Variants in HPSE observed in about 807,000 individuals in gnomAD.
HPSE encodes the protein endo-glucoronidase.
HPSE carries 48 observed loss-of-function variants against 65.1 expected under a neutral mutation model. The ratio of observed to expected loss-of-function variants is 0.74; its 90% CI spans 0.58 to 0.94. The LOEUF is 0.94. Ranked by LOEUF, HPSE falls within the 40% of genes least tolerant of loss-of-function variation. The pLI, the probability that HPSE is intolerant of heterozygous loss-of-function variation, is 0.00. For missense variants in HPSE, 644 were observed against 637.5 expected (o/e 1.01, Z -0.11); for synonymous variants, 243 against 260.0 (o/e 0.93, Z 0.63).
In HPSE at chr4:83,309,384, G is replaced by C; in HGVS notation, c.984+18C>G. The stretch of plus-strand genomic sequence containing the variant: ...AAGGATTCTGGTTTTACATTAAAAA[G>C]TTTAAAAAGACTATTACCTGGAAAA... On this transcript the variant is annotated intron_variant, in intron 7 of 11. Coordinates refer to ENST00000311412, the MANE Select transcript of HPSE (RefSeq NM_001098540.3). 1.5e-6 allele frequency: 2 copies of C among 1,314,494 alleles called. No homozygotes were observed. Among genetic ancestry groups the C allele is most frequent in the Non-Finnish European group, 2.2e-6 (2 of 926,734 alleles). The allele number at this position is 1,314,494 out of a possible 1,614,324, so 81.4% of individuals were successfully genotyped here.
At chr4:83,305,674 T>G (rs1300468724) in intron 9 of HPSE, among the ~76,000 whole-genome samples, 1 of 152,236 alleles carries the variant, frequency 6.6e-6, no homozygotes, top group Non-Finnish European at 1.5e-5. Context: ...TTTCCTGATT[T>G]AGCACCAGAT....
intron 11 of HPSE, among the ~76,000 whole-genome samples, chr4:83,297,537 A>T (rs1735779505): frequency 6.6e-6 from 1 of 152,118 alleles, no homozygotes; most frequent in African/African-American, 2.4e-5. Flanking sequence ...ATATTTTTCC[A>T]TGTAGCATTA....
intron 1 of HPSE, among the ~76,000 whole-genome samples, chr4:83,325,779 G>A (rs185268555): frequency 2.6e-5 from 4 of 152,322 alleles, no homozygotes; most frequent in African/African-American, 9.6e-5. Flanking sequence ...TGGTTTCACT[G>A]CTAGACATTC....
rs1461843505 is a variant in HPSE, at chr4:83,326,006, A to C, written c.228-3642T>G. 6.6e-6 allele frequency among the ~76,000 whole-genome samples: 1 copy of C among 152,138 alleles called. No individual in the cohort carries two copies. The highest frequency in any genetic ancestry group is 1.5e-5 in the Non-Finnish European group (1 of 68,016). ...AGGGCCACATCACGGAGGGCCCCGT[A>C]AGCCACATGTCCAGGAGTGCCAACT... On this transcript the variant is annotated intron_variant, in intron 1 of 11. Transcript: ENST00000311412. The surrounding 1 kb of genome is among the most constrained non-coding windows in gnomAD (Gnocchi z 4.2).
At chr4:83,298,895 A>G (rs1261896837) in intron 11 of HPSE, among the ~76,000 whole-genome samples, 2 of 152,228 alleles carry the variant, frequency 1.3e-5, no homozygotes, top group Non-Finnish European at 2.9e-5. Flanking sequence ...GAGGTCATTA[A>G]TATGAGTAAG....
chr4:83,312,231 C>T (rs1173684657), intron 4 of HPSE, among the ~76,000 whole-genome samples: 1 of 152,194 alleles, frequency 6.6e-6, no homozygotes, highest in African/African-American at 2.4e-5. Context: ...CTGGCTCCAA[C>T]TGGTTCTCAC....
chr4:83,332,790 CA>C (rs1737435915), intron 1 of HPSE, among the ~76,000 whole-genome samples: 1 of 152,208 alleles, frequency 6.6e-6, no homozygotes, highest in South Asian at 2.1e-4. Context: ...CCTGTTACTC[CA>C]GGGGGGAACC....
At chr4:83,325,396 C>T (rs1737110829) in intron 1 of HPSE, among the ~76,000 whole-genome samples, 1 of 152,122 alleles carries the variant, frequency 6.6e-6, no homozygotes, top group Middle Eastern at 3.2e-3. Flanking sequence ...GAACTCCTGA[C>T]CTCAGGTGAT....
chr4:83,334,586 G>C lies in HPSE; in HGVS notation c.197C>G (p.Ala66Gly). ...GAGGATGAGGAACCGCGGGTCCGTG[G>C]CCAGGTTGGCGTCAATGGTGACGGA... ...FLSVTIDANL[A>G]TDPRFLILLG... The change falls in exon 1 of 12, where the codon GCC becomes GGC. Residue 66 changes from alanine to glycine, a missense_variant. Transcript: ENST00000311412. 2.5e-6 allele frequency: 4 copies of C among 1,590,282 alleles called. No individual in the cohort carries two copies. Among genetic ancestry groups the C allele is most frequent in the Non-Finnish European group, 3.4e-6 (4 of 1,168,464 alleles).
At chr4:83,321,010 G>A (rs1172096778) in intron 2 of HPSE, among the ~76,000 whole-genome samples, 1 of 152,104 alleles carries the variant, frequency 6.6e-6, no homozygotes, top group African/African-American at 2.4e-5. Context: ...GATCAGCCTG[G>A]ATAACATAGA....
intron 3 of HPSE, among the ~76,000 whole-genome samples, chr4:83,315,422 A>T (rs559316729): frequency 6.6e-5 from 10 of 152,080 alleles, no homozygotes; most frequent in Admixed American, 5.2e-4. Flanking sequence ...CTCCACCCTC[A>T]TTTTTCTAGG....
At chr4:83,315,046 C>G (rs1736573004) in intron 3 of HPSE, among the ~76,000 whole-genome samples, 1 of 151,452 alleles carries the variant, frequency 6.6e-6, no homozygotes, top group Non-Finnish European at 1.5e-5. Context: ...GTCCCAGCTA[C>G]TTGGGAGGCT....
chr4:83,330,833 G>A (rs967195995), intron 1 of HPSE, among the ~76,000 whole-genome samples: 4 of 152,134 alleles, frequency 2.6e-5, no homozygotes, highest in African/African-American at 7.2e-5. Flanking sequence ...GCTTGTATAC[G>A]TGTCTTAATT....
chr4:83,304,739 G>A (rs1335838758), intron 9 of HPSE, among the ~76,000 whole-genome samples: 2 of 152,138 alleles, frequency 1.3e-5, no homozygotes, highest in African/African-American at 2.4e-5. Flanking sequence ...TAGAGGGAAA[G>A]TAGACTTAAC....
intron 1 of HPSE, among the ~76,000 whole-genome samples, chr4:83,325,704 G>T (rs914837297): frequency 3.9e-5 from 6 of 152,150 alleles, no homozygotes; most frequent in Non-Finnish European, 7.3e-5. Context: ...ACATTCAGAG[G>T]GACTCCTAAT....
intron 5 of HPSE, 48 bp from the exon 6 acceptor site, chr4:83,310,126 G>A (rs1201394816): frequency 2.4e-6 from 3 of 1,255,020 alleles, no homozygotes; most frequent in Non-Finnish European, 2.3e-6. Context: ...ACATATATAT[G>A]CACAATATAC....
chr4:83,319,026 T>C (rs1261044597), intron 3 of HPSE, among the ~76,000 whole-genome samples: 1 of 152,178 alleles, frequency 6.6e-6, no homozygotes, highest in African/African-American at 2.4e-5. Context: ...TATATGTCTG[T>C]ATTTTAATTT....
intron 2 of HPSE, among the ~76,000 whole-genome samples, chr4:83,321,839 A>G (rs1049397471): frequency 1.3e-5 from 2 of 152,076 alleles, no homozygotes; most frequent in African/African-American, 4.8e-5. Flanking sequence ...ATATCCTTCA[A>G]TCTATCATTG....
chr4:83,327,037 T>A (rs1007673886), intron 1 of HPSE, among the ~76,000 whole-genome samples: 2 of 152,192 alleles, frequency 1.3e-5, no homozygotes, highest in Non-Finnish European at 2.9e-5. Context: ...CTCTCTGAAA[T>A]CAACTTCCTT....
Sources: gnomAD v4.1 joint callset for allele counts (sites outside exome capture counted in the v4.1 genomes callset) on GRCh38, gnomAD v4.1.1 for gene constraint, Gnocchi (gnomAD v3.1) non-coding constraint, MANE v1.5 for transcripts, NCBI Gene and HGNC (gene_info 2026-07-23, HGNC 2026-07-21) for gene names.